Variants in TBC1D1 observed in about 807,000 individuals in gnomAD.
The protein encoded by TBC1D1 is TBC1 (tre-2/USP6, BUB2, cdc16) domain family, member 1.
Under a neutral mutation model 125.6 loss-of-function variants are expected in TBC1D1, and 89 were observed. That is an observed-to-expected ratio of 0.71 (90% CI 0.60 to 0.85). The LOEUF is 0.85. Among genes scored for constraint, TBC1D1 ranks in the 40% least tolerant of loss-of-function variants. The pLI is 0.00. For synonymous variants in TBC1D1, 565 were observed against 564.1 expected (o/e 1.00, Z -0.02); for missense variants, 1,377 against 1,469.2 (o/e 0.94, Z 1.03).
chr4:38,035,558 TA>T, intron 7 of TBC1D1, 29 bp from the exon 8 acceptor site: 1 of 1,568,994 alleles, frequency 6.4e-7, no homozygotes. Flanking sequence ...CGATTAAAAA[TA>T]AATCCTGTTT....
chr4:37,934,216 A>C (rs926670893), intron 2 of TBC1D1, among the ~76,000 whole-genome samples: 2 of 152,182 alleles, frequency 1.3e-5, no homozygotes, highest in African/African-American at 4.8e-5. Flanking sequence ...GGAAAGGTCA[A>C]CTGGCTGACA....
At chr4:37,935,005 G>A (rs533489672) in intron 2 of TBC1D1, among the ~76,000 whole-genome samples, 25 of 152,242 alleles carry the variant, frequency 1.6e-4, no homozygotes, top group African/African-American at 4.1e-4. Flanking sequence ...AAAAGAGACC[G>A]TGGAGAACCT....
chr4:38,002,261 C>G (rs573078017), intron 2 of TBC1D1, among the ~76,000 whole-genome samples: 1 of 152,194 alleles, frequency 6.6e-6, no homozygotes, highest in Non-Finnish European at 1.5e-5. Flanking sequence ...ACTACATTCT[C>G]TGTAGGCTTT....
At chr4:38,011,125 G>T (rs1255324175) in intron 2 of TBC1D1, among the ~76,000 whole-genome samples, 2 of 152,158 alleles carry the variant, frequency 1.3e-5, no homozygotes, top group African/African-American at 2.4e-5. Context: ...GCCGAGGCGG[G>T]TGGATCACTT....
In TBC1D1 at chr4:38,024,637, A is replaced by T. The variant is rs745963393; in HGVS notation, c.1210+2919A>T. Reference sequence around the variant, plus strand: ...CTACATGATGGAACTCATTTCTAAAAGTGTAGAAGAAGTGCATTGTTAGTA... The same window carrying T: ...CTACATGATGGAACTCATTTCTAAATGTGTAGAAGAAGTGCATTGTTAGTA... On this transcript the variant is annotated intron_variant, in intron 6 of 19. Transcript: ENST00000261439. Among the ~76,000 whole-genome samples, 7 of 152,276 alleles carry T rather than the reference A, an allele frequency of 4.6e-5. No homozygotes were observed. The South Asian group carries it at 6.2e-4, about 14-fold the overall frequency.
chr4:38,097,563 C>T (rs558042684), intron 14 of TBC1D1, among the ~76,000 whole-genome samples: 64 of 152,224 alleles, frequency 4.2e-4, no homozygotes, highest in African/African-American at 1.3e-3. Flanking sequence ...AGGATGGTCT[C>T]GATCTCCTGA....
chr4:38,108,695 T>C (rs1761744779), intron 15 of TBC1D1, among the ~76,000 whole-genome samples: 1 of 152,248 alleles, frequency 6.6e-6, no homozygotes, highest in Non-Finnish European at 1.5e-5. Context: ...TGTTTGCTTC[T>C]ACTAAATGTA....
chr4:38,110,471 A>T lies in TBC1D1; in HGVS notation c.2558-5239A>T, dbSNP rs980738192. ...GATTGATCCTGGAAGAACATCCGTT[A>T]GATGAGCAAAATTTTGTGGAGCACT... On this transcript the variant is annotated intron_variant, in intron 15 of 19. Transcript: ENST00000261439. The T allele has an allele frequency of 4.1e-6, 4 of 985,354 alleles. No individual in the cohort carries two copies. In the African/African-American group the frequency reaches 7.0e-5, roughly 17 times the overall value. 61.0% of individuals were successfully genotyped at this position (985,354 alleles called of 1,614,324 possible). A position where few individuals can be genotyped will look rare whatever the true frequency, so the allele number is the denominator to read the frequency against.
At chr4:37,966,028 T>C (rs906965925) in intron 2 of TBC1D1, among the ~76,000 whole-genome samples, 1 of 152,166 alleles carries the variant, frequency 6.6e-6, no homozygotes, top group Non-Finnish European at 1.5e-5. Context: ...ATTACAGGTG[T>C]GAGCCATCGC....
intron 2 of TBC1D1, among the ~76,000 whole-genome samples, chr4:38,001,787 G>A (rs1739146451): frequency 6.6e-6 from 1 of 152,146 alleles, no homozygotes; most frequent in South Asian, 2.1e-4. Flanking sequence ...ATGCCTTACA[G>A]TTTTATACAT....
intron 2 of TBC1D1, among the ~76,000 whole-genome samples, chr4:37,903,234 A>C (rs927882509): frequency 6.6e-6 from 1 of 152,162 alleles, no homozygotes; most frequent in Non-Finnish European, 1.5e-5. Flanking sequence ...ACATGGTAAA[A>C]GTTCTGCTCT....
Position 38,107,577 on chromosome 4 carries a change from GTTTTTTTT to G in TBC1D1, c.2557+4437_2557+4444del, listed in dbSNP as rs3038351. Among the ~76,000 whole-genome samples, 177 of 53,100 alleles carry G rather than the reference GTTTTTTTT, an allele frequency of 3.3e-3. 1 individual carries two copies. The East Asian group carries it at 0.039, about 12-fold the overall frequency. The allele number at this position is 53,100 out of a possible 152,430, so 34.8% of individuals were successfully genotyped here. On this transcript the variant is annotated intron_variant, in intron 15 of 19. Transcript: ENST00000261439. The stretch of plus-strand genomic sequence containing the variant: ...TGAAATTGGCTTTTAGTCTAAACAG[GTTTTTTTT>G]TTTTTTTTTTTTTTTTGGCAATGTG...
intron 2 of TBC1D1, among the ~76,000 whole-genome samples, chr4:37,920,656 A>G (rs1162569447): frequency 6.6e-6 from 1 of 152,136 alleles, no homozygotes; most frequent in Non-Finnish European, 1.5e-5. Flanking sequence ...TACACATGGG[A>G]GTCAAAACGA....
At chr4:38,011,483 TTAAAG>T (rs1476509986) in intron 2 of TBC1D1, among the ~76,000 whole-genome samples, 1 of 152,244 alleles carries the variant, frequency 6.6e-6, no homozygotes, top group East Asian at 1.9e-4. Context: ...CTTGACTAAC[TTAAAG>T]TAATGTTTAA....
intron 2 of TBC1D1, among the ~76,000 whole-genome samples, chr4:37,955,745 G>A (rs1433125883): frequency 6.6e-6 from 1 of 152,150 alleles, no homozygotes; most frequent in Non-Finnish European, 1.5e-5. Context: ...TCTGCCCTTT[G>A]TTATGAGCAC....
rs1031740391 is a variant in TBC1D1 at position 37,989,749 on chromosome 4, T to G, written c.418-24760T>G. The stretch of plus-strand genomic sequence containing the variant: ...GGGGAGAGAGGAGGACATTGGCTTC[T>G]GCCACCAGCAGCCTGTGTGACCTTG... On this transcript the variant is annotated intron_variant, in intron 2 of 19. Coordinates refer to ENST00000261439, the MANE Select transcript of TBC1D1 (RefSeq NM_015173.4). Among the ~76,000 whole-genome samples the G allele has an allele frequency of 2.0e-5, 3 of 152,218 alleles. No homozygotes were observed. In the South Asian group the frequency reaches 6.2e-4, roughly 31 times the overall value.
chr4:38,101,848 TG>T (rs1182109750), intron 14 of TBC1D1, among the ~76,000 whole-genome samples: 7 of 152,182 alleles, frequency 4.6e-5, no homozygotes, highest in African/African-American at 1.7e-4. Flanking sequence ...CATGCACCCT[TG>T]TGCCTGAGGC....
chr4:37,975,700 TCTCA>T (rs1225484146), intron 2 of TBC1D1, among the ~76,000 whole-genome samples: 1 of 152,190 alleles, frequency 6.6e-6, no homozygotes, highest in Non-Finnish European at 1.5e-5. Context: ...TCTGGTCACT[TCTCA>T]CTATGTCCCC....
chr4:38,130,672 C>T (rs1014562075), intron 18 of TBC1D1, among the ~76,000 whole-genome samples: 17 of 152,312 alleles, frequency 1.1e-4, no homozygotes, highest in Non-Finnish European at 5.9e-5. Flanking sequence ...GCTCAGGGAA[C>T]GGCTTAGGCA....
Sources: allele counts gnomAD v4.1 joint callset (sites outside exome capture counted in the v4.1 genomes callset), GRCh38; gene constraint gnomAD v4.1.1; transcripts MANE v1.5; gene names NCBI Gene and HGNC (gene_info 2026-07-23, HGNC 2026-07-21).